SNX29: variants seen among roughly 807,000 people sequenced by gnomAD.
SNX29 encodes sorting nexin-29.
SNX29 carries 78 observed loss-of-function variants against 102.1 expected under a neutral mutation model. The observed-to-expected ratio is 0.76, with a 90% CI of 0.64 to 0.92. The LOEUF (loss-of-function observed/expected upper bound fraction) is 0.92, where lower values mean the gene tolerates loss of function less well. SNX29 is among the 40% of genes least tolerant of loss of function. The probability of loss-of-function intolerance (pLI) is 0.00; values close to 1 mark genes in which losing one functional copy is unlikely to be tolerated. For synonymous variants in SNX29, 580 were observed against 414.5 expected (o/e 1.40, Z -4.85); for missense variants, 1,280 against 1,061.7 (o/e 1.21, Z -2.86).
chr16:12,277,860 T>C, intron 14 of SNX29, 73 bp from the exon 15 acceptor site: 2 of 1,358,676 alleles, frequency 1.5e-6, no homozygotes, highest in South Asian at 2.5e-5. Flanking sequence ...AAGAAGAATT[T>C]TTTCTTTTTT....
chr16:12,187,453 C>T (rs1471633397), intron 13 of SNX29, among the ~76,000 whole-genome samples: 1 of 151,778 alleles, frequency 6.6e-6, no homozygotes, highest in African/African-American at 2.4e-5. Flanking sequence ...GAGGCTGAGG[C>T]AGGAGAATTG....
intron 14 of SNX29, among the ~76,000 whole-genome samples, chr16:12,212,383 G>C (rs2077209534): frequency 6.6e-6 from 1 of 151,856 alleles, no homozygotes; most frequent in Non-Finnish European, 1.5e-5. Context: ...CCTGCTCTTT[G>C]TCCTTGAAGG....
At chr16:12,531,885 GTA>G (rs1357665280) in intron 20 of SNX29, among the ~76,000 whole-genome samples, 2 of 152,214 alleles carry the variant, frequency 1.3e-5, no homozygotes, top group African/African-American at 4.8e-5. Context: ...CTCAGGAAAT[GTA>G]TGTCTTCTCC....
At chr16:12,509,437 C>G (rs1597662675) in intron 19 of SNX29, among the ~76,000 whole-genome samples, 1 of 152,160 alleles carries the variant, frequency 6.6e-6, no homozygotes, top group East Asian at 1.9e-4. Flanking sequence ...CTGGGAATTC[C>G]TGGTTGGAAT....
chr16:12,083,954 C>G (rs925009330), intron 11 of SNX29, among the ~76,000 whole-genome samples: 3 of 152,138 alleles, frequency 2.0e-5, no homozygotes, highest in Non-Finnish European at 2.9e-5. Flanking sequence ...AGTCTTCTAT[C>G]GAGCAACCTT....
chr16:12,120,652 G>A (rs1034594216), intron 11 of SNX29, among the ~76,000 whole-genome samples: 1 of 152,178 alleles, frequency 6.6e-6, no homozygotes, highest in Non-Finnish European at 1.5e-5. Context: ...GGGCCTGTGC[G>A]TCATCTGGCT....
intron 18 of SNX29, among the ~76,000 whole-genome samples, chr16:12,475,359 C>A (rs2087541289): frequency 6.6e-6 from 1 of 152,132 alleles, no homozygotes; most frequent in South Asian, 2.1e-4. Flanking sequence ...GGAAAAATAA[C>A]AATAATGACT....
chr16:12,237,136 C>T (rs1006901013), intron 14 of SNX29, among the ~76,000 whole-genome samples: 4 of 152,176 alleles, frequency 2.6e-5, no homozygotes, highest in Non-Finnish European at 5.9e-5. Flanking sequence ...ATGCCGTGCC[C>T]CAGTCTCCAG....
At chr16:12,019,599 G>T (rs1049902841) in intron 3 of SNX29, among the ~76,000 whole-genome samples, 12 of 146,054 alleles carry the variant, frequency 8.2e-5, no homozygotes, top group South Asian at 2.1e-4. Flanking sequence ...TATATAGATA[G>T]ATAGATAGAT....
chr16:12,455,715 A>ATATG (rs2086508876), intron 18 of SNX29, among the ~76,000 whole-genome samples: 1 of 152,226 alleles, frequency 6.6e-6, no homozygotes, highest in Non-Finnish European at 1.5e-5. Context: ...AGAGACTTGC[A>ATATG]TATGCAGACC....
At position 12,569,765 on chromosome 16, in the gene SNX29, A is replaced by G; in HGVS notation, c.*1136A>G. The G allele has an allele frequency of 4.3e-6, 1 of 230,552 alleles. No homozygotes were observed. The highest frequency in any genetic ancestry group is 6.2e-5 in the East Asian group (1 of 16,228). The allele number at this position is 230,552 out of a possible 1,614,324, so 14.3% of individuals were successfully genotyped here. A position where few individuals can be genotyped will look rare whatever the true frequency, so the allele number is the denominator to read the frequency against. ...TCCTCCTCCAGTGAGCTCACATCAG[A>G]GCACCTCACAGAGCAATAGCCGTCC... On this transcript the variant is annotated 3_prime_UTR_variant, in exon 21 of 21. Transcript: ENST00000566228.
chr16:12,477,107 G>A (rs930778542), intron 18 of SNX29, among the ~76,000 whole-genome samples: 1 of 152,164 alleles, frequency 6.6e-6, no homozygotes, highest in Non-Finnish European at 1.5e-5. Context: ...TATCCCCAGA[G>A]TATTCTCTAA....
At chr16:12,275,692 CTTT>C (rs34590499) in intron 14 of SNX29, among the ~76,000 whole-genome samples, 8 of 139,448 alleles carry the variant, frequency 5.7e-5, no homozygotes, top group Admixed American at 1.4e-4. Flanking sequence ...CTCTCCAATT[CTTT>C]TTTTTTTTTT....
At chr16:12,190,465 G>C (rs1567294607) in intron 13 of SNX29, among the ~76,000 whole-genome samples, 1 of 151,948 alleles carries the variant, frequency 6.6e-6, no homozygotes, top group Non-Finnish European at 1.5e-5. Flanking sequence ...GGGCAGAGGA[G>C]GGAGCTGTCA....
chr16:12,290,682 C>T (rs1298874252), intron 15 of SNX29, among the ~76,000 whole-genome samples: 2 of 152,194 alleles, frequency 1.3e-5, no homozygotes, highest in East Asian at 3.8e-4. Context: ...TTTGTAGACA[C>T]ATAGGACAGA....
At chr16:12,208,580 A>G (rs1247686653) in intron 14 of SNX29, among the ~76,000 whole-genome samples, 1 of 152,182 alleles carries the variant, frequency 6.6e-6, no homozygotes, top group African/African-American at 2.4e-5. Flanking sequence ...GCTTGAGCCC[A>G]GGAGTTCAAG....
rs2081165553 is a variant in SNX29 at position 12,327,766 on chromosome 16, A to G, written c.1783-28397A>G. 3.9e-5 allele frequency among the ~76,000 whole-genome samples: 6 copies of G among 152,208 alleles called. No individual in the cohort carries two copies. The South Asian group carries it at 1.2e-3, about 32-fold the overall frequency. Reference sequence around the variant, plus strand: ...GAGGAAACCAGAAGTCAGGCTGTTGATGCTTGCAGGGAGGACAGGCAGGAA... The same window carrying G: ...GAGGAAACCAGAAGTCAGGCTGTTGGTGCTTGCAGGGAGGACAGGCAGGAA... On this transcript the variant is annotated intron_variant, in intron 15 of 20. Coordinates refer to ENST00000566228, the MANE Select transcript of SNX29 (RefSeq NM_032167.5).
At chr16:12,107,656 A>C in intron 11 of SNX29, among the ~76,000 whole-genome samples, 1 of 151,430 alleles carries the variant, frequency 6.6e-6, no homozygotes, top group East Asian at 1.9e-4. Flanking sequence ...AACAAAAACA[A>C]AAAAAAGAGG....
At chr16:12,425,143 C>T (rs1048289324) in intron 18 of SNX29, among the ~76,000 whole-genome samples, 3 of 152,138 alleles carry the variant, frequency 2.0e-5, no homozygotes, top group Admixed American at 6.5e-5. Flanking sequence ...CGGGTGAGAC[C>T]GATCTGTGCT....
Sources: allele counts gnomAD v4.1 joint callset (sites outside exome capture counted in the v4.1 genomes callset), GRCh38; gene constraint gnomAD v4.1.1; transcripts MANE v1.5; gene names NCBI Gene and HGNC (gene_info 2026-07-23, HGNC 2026-07-21).